Variants in CLSTN2 observed in about 807,000 individuals in gnomAD.
CLSTN2 encodes the protein calsyntenin-2.
In CLSTN2, 48 loss-of-function variants were observed where a neutral mutation model predicts 101.2. That is an observed-to-expected ratio of 0.47 (90% CI 0.38 to 0.60). The LOEUF (loss-of-function observed/expected upper bound fraction) is 0.60, where lower values mean the gene tolerates loss of function less well. Among genes scored for constraint, CLSTN2 ranks in the 20% least tolerant of loss-of-function variants. The pLI is 0.00. For missense variants in CLSTN2, 1,160 were observed against 1,238.2 expected, an observed-to-expected ratio of 0.94 and a Z score of 0.95; for synonymous variants, 481 against 463.6, an observed-to-expected ratio of 1.04 and a Z score of -0.48.
chr3:140,546,691 G>A lies in CLSTN2; in HGVS notation c.1674+10G>A. ...TGGCCAAGGAATAAAGGTAAGGCAG[G>A]AGCTGGCATCACTCCCAATAAGACA... is the stretch of plus-strand genomic sequence containing the variant. On this transcript the variant is annotated intron_variant, in intron 10 of 16. Coordinates refer to ENST00000458420, the MANE Select transcript of CLSTN2 (RefSeq NM_022131.3). 6.2e-7 allele frequency: 1 copy of A among 1,604,738 alleles called. No homozygotes were observed. Among genetic ancestry groups the A allele is most frequent in the Non-Finnish European group, 8.5e-7 (1 of 1,175,912 alleles).
intron 10 of CLSTN2, among the ~76,000 whole-genome samples, chr3:140,548,334 A>G (rs188518490): frequency 1.3e-5 from 2 of 152,364 alleles, no homozygotes; most frequent in East Asian, 3.9e-4. Flanking sequence ...CAAGTACCAG[A>G]CACTGTTTGT....
chr3:140,458,490 G>C (rs1933472166), intron 6 of CLSTN2, among the ~76,000 whole-genome samples: 1 of 152,090 alleles, frequency 6.6e-6, no homozygotes, highest in African/African-American at 2.4e-5. Context: ...TTCTGTATTT[G>C]AGCCTCTGTG....
rs1553800628 is a variant in CLSTN2, at chr3:140,127,031, A to ATATCATGTGTCATATG, written c.110-48907_110-48906insATGTATCATGTGTCAT. On this transcript the variant is annotated intron_variant, in intron 1 of 16. Coordinates refer to ENST00000458420, the MANE Select transcript of CLSTN2 (RefSeq NM_022131.3). ...GTGTCATTATATGTGTCATATATAT[A>ATATCATGTGTCATATG]TATCATGTGTCATTATATGTATCAT... Among the ~76,000 whole-genome samples, 13 of 151,492 alleles carry ATATCATGTGTCATATG rather than the reference A, an allele frequency of 8.6e-5. No homozygotes were observed. In the East Asian group the frequency reaches 9.8e-4, roughly 11 times the overall value.
rs984262530 is a variant in CLSTN2, at chr3:140,553,200, T to C, written c.1675-3313T>C. ...CAGGACTTGGAAGGACAGAAGAGAA[T>C]TGTGTCACAAGGGTACAAGAGCAGT... On this transcript the variant is annotated intron_variant, in intron 10 of 16. Coordinates refer to ENST00000458420, the MANE Select transcript of CLSTN2 (RefSeq NM_022131.3). Among the ~76,000 whole-genome samples, 7 of 152,288 alleles carry C rather than the reference T, an allele frequency of 4.6e-5. No homozygotes were observed. In the South Asian group the frequency reaches 1.5e-3, roughly 32 times the overall value.
chr3:140,157,294 A>G (rs576166068), intron 1 of CLSTN2, among the ~76,000 whole-genome samples: 91 of 152,226 alleles, frequency 6.0e-4, no homozygotes, highest in Non-Finnish European at 1.1e-3. Context: ...ATGTTTTGGA[A>G]GAGTTTCAGT....
At chr3:140,363,575 C>A (rs1412696212) in intron 2 of CLSTN2, among the ~76,000 whole-genome samples, 1 of 152,166 alleles carries the variant, frequency 6.6e-6, no homozygotes, top group East Asian at 1.9e-4. Context: ...TGGCAGCTGA[C>A]AGTGGAAATG....
chr3:139,975,431 T>C (rs1016137744), intron 1 of CLSTN2, among the ~76,000 whole-genome samples: 4 of 152,196 alleles, frequency 2.6e-5, no homozygotes, highest in Non-Finnish European at 4.4e-5. Flanking sequence ...GAGTGAGTGC[T>C]TGTTGAGTGT....
chr3:140,478,784 G>GGGA (rs149744032), intron 8 of CLSTN2, among the ~76,000 whole-genome samples: 57,262 of 145,908 alleles, frequency 0.39, 11,883 homozygotes, highest in African/African-American at 0.56. Context: ...GAGGGAGGAA[G>GGGA]GGAAGGGAAG....
At chr3:140,403,534 G>A (rs777898266) in intron 2 of CLSTN2, 95 bp from the exon 3 acceptor site, 11 of 1,031,650 alleles carry the variant, frequency 1.1e-5, no homozygotes, top group Non-Finnish European at 1.6e-5. Flanking sequence ...AAATTGCATG[G>A]AGGCTTTGAG....
At chr3:140,524,679 TC>T (rs1935100394) in intron 8 of CLSTN2, among the ~76,000 whole-genome samples, 1 of 152,140 alleles carries the variant, frequency 6.6e-6, no homozygotes, top group Non-Finnish European at 1.5e-5. Context: ...CTAAGATCAA[TC>T]ACATGCTCAG....
chr3:140,350,937 C>G (rs2087599231), intron 2 of CLSTN2, among the ~76,000 whole-genome samples: 1 of 152,210 alleles, frequency 6.6e-6, no homozygotes, highest in East Asian at 1.9e-4. Flanking sequence ...GAGCTCCTCT[C>G]AGACCCTGCA....
chr3:140,098,930 C>T (rs1049870680), intron 1 of CLSTN2, among the ~76,000 whole-genome samples: 2 of 152,152 alleles, frequency 1.3e-5, no homozygotes, highest in Admixed American at 6.5e-5. Context: ...CAAATCCAGG[C>T]CTCTCCCACA....
chr3:140,001,097 T>G (rs1469078641), intron 1 of CLSTN2, among the ~76,000 whole-genome samples: 2 of 152,226 alleles, frequency 1.3e-5, no homozygotes, highest in Non-Finnish European at 2.9e-5. Context: ...AATTGAAGCT[T>G]GGAAGAGTTA....
intron 2 of CLSTN2, among the ~76,000 whole-genome samples, chr3:140,291,130 A>T (rs1423365442): frequency 6.6e-6 from 1 of 152,154 alleles, no homozygotes; most frequent in African/African-American, 2.4e-5. Context: ...TAATATTAAT[A>T]GTTGTCCCAT....
chr3:140,255,500 G>C (rs1251808290), intron 2 of CLSTN2, among the ~76,000 whole-genome samples: 1 of 152,140 alleles, frequency 6.6e-6, no homozygotes, highest in Non-Finnish European at 1.5e-5. Context: ...CCTTAACATA[G>C]AAACAGAAAA....
At chr3:140,052,225 C>A (rs2008010650) in intron 1 of CLSTN2, among the ~76,000 whole-genome samples, 2 of 152,274 alleles carry the variant, frequency 1.3e-5, no homozygotes, top group South Asian at 4.1e-4. Context: ...ATGGCATGAT[C>A]TCAGCTCACT....
At chr3:140,118,637 C>A (rs953138333) in intron 1 of CLSTN2, among the ~76,000 whole-genome samples, 1 of 152,078 alleles carries the variant, frequency 6.6e-6, no homozygotes, top group Non-Finnish European at 1.5e-5. Context: ...GGATAGAAGG[C>A]CTTAGAATGA....
intron 2 of CLSTN2, among the ~76,000 whole-genome samples, chr3:140,266,024 G>T (rs565802486): frequency 2.0e-5 from 3 of 152,270 alleles, no homozygotes; most frequent in Admixed American, 6.5e-5. Context: ...ACTGTGATTC[G>T]TGGGTGCCCT....
intron 8 of CLSTN2, among the ~76,000 whole-genome samples, chr3:140,494,382 T>C (rs1050735285): frequency 1.3e-5 from 2 of 152,214 alleles, no homozygotes; most frequent in Non-Finnish European, 2.9e-5. Flanking sequence ...GGGTAGGTTA[T>C]CAAGCCGGAT....
Sources: gnomAD v4.1 joint callset for allele counts (sites outside exome capture counted in the v4.1 genomes callset) on GRCh38, gnomAD v4.1.1 for gene constraint, MANE v1.5 for transcripts, NCBI Gene and HGNC (gene_info 2026-07-23, HGNC 2026-07-21) for gene names.